Variants in PWWP3B observed in about 807,000 individuals in gnomAD.
The protein encoded by PWWP3B is PWWP domain-containing DNA repair factor 3B.
PWWP3B carries 5 observed loss-of-function variants against 15.7 expected under a neutral mutation model. The ratio of observed to expected loss-of-function variants is 0.32; its 90% CI spans 0.17 to 0.67. The LOEUF (loss-of-function observed/expected upper bound fraction) is 0.67. PWWP3B is among the 30% of genes least tolerant of loss of function. The pLI, the probability that PWWP3B is intolerant of heterozygous loss-of-function variation, is 0.74. For missense variants in PWWP3B, 519 were observed against 493.1 expected, an observed-to-expected ratio of 1.05 and a Z score of -0.50; for synonymous variants, 203 against 179.8, an observed-to-expected ratio of 1.13 and a Z score of -1.03.
intron 2 of PWWP3B, among the ~76,000 whole-genome samples, chrX:106,177,966 A>G (rs1415518476): frequency 9.0e-6 from 1 of 111,634 alleles, no homozygotes; most frequent in Non-Finnish European, 1.9e-5. Flanking sequence ...AATTGTTTCT[A>G]TTTGTGCTTG....
intron 2 of PWWP3B, among the ~76,000 whole-genome samples, chrX:106,191,747 T>A (rs1474218789): frequency 9.0e-6 from 1 of 111,524 alleles, no homozygotes; most frequent in African/African-American, 3.3e-5. Context: ...GTTTTTAGCA[T>A]GAAGGGTTGT....
At chrX:106,181,061 G>C (rs1046602431) in intron 2 of PWWP3B, among the ~76,000 whole-genome samples, 4 of 111,887 alleles carry the variant, frequency 3.6e-5, no homozygotes, top group African/African-American at 1.3e-4. Context: ...CCTTACTAAA[G>C]AACTGATAAG....
At chrX:106,190,318 G>C (rs1444857774) in intron 2 of PWWP3B, among the ~76,000 whole-genome samples, 1 of 112,261 alleles carries the variant, frequency 8.9e-6, no homozygotes, top group East Asian at 2.8e-4. Flanking sequence ...TTTTTCATGT[G>C]TTTTTTGGCT....
chrX:106,181,357 T>C, intron 2 of PWWP3B, among the ~76,000 whole-genome samples: 1 of 111,838 alleles, frequency 8.9e-6, no homozygotes, highest in South Asian at 3.8e-4. Context: ...TGGTCCATTT[T>C]ACACAGCGCT....
chrX:106,182,530 G>A (rs1296337485), intron 2 of PWWP3B, among the ~76,000 whole-genome samples: 1 of 111,779 alleles, frequency 8.9e-6, no homozygotes, highest in Non-Finnish European at 1.9e-5. Flanking sequence ...AAAAAGGTGT[G>A]TGAGTCTGTT....
intron 2 of PWWP3B, among the ~76,000 whole-genome samples, chrX:106,198,670 T>G (rs1348710108): frequency 8.9e-6 from 1 of 111,886 alleles, no homozygotes. Context: ...GTTATCCTTT[T>G]TGTCCACCTC....
rs773037885 is a variant in PWWP3B, at chrX:106,206,782, G to A, written c.1350G>A (p.Glu450=). 7 of 1,211,391 alleles carry A rather than the reference G, an allele frequency of 5.8e-6. No homozygotes were observed. In the South Asian group the frequency reaches 1.2e-4, roughly 21 times the overall value. ...FRRLKKFDCK[E]KQMLVDKARE... ...GATTAAAGAAATTTGATTGTAAAGAGAAACAAATGCTAGTGGACAAAGCCA... is the reference window on the plus strand; with the variant it reads ...GATTAAAGAAATTTGATTGTAAAGAAAAACAAATGCTAGTGGACAAAGCCA... Residue 450 remains glutamate (E), a synonymous_variant, in exon 4 of 4, where the codon GAG becomes GAA. Transcript: ENST00000357175.
At chrX:106,185,504 G>GA (rs1922458042) in intron 2 of PWWP3B, among the ~76,000 whole-genome samples, 1 of 111,369 alleles carries the variant, frequency 9.0e-6, no homozygotes, top group Admixed American at 9.5e-5. Context: ...TGCAGCAGCA[G>GA]AAATACTAGT....
chrX:106,174,056 CTG>C (rs370649712), intron 2 of PWWP3B, among the ~76,000 whole-genome samples: 3 of 112,281 alleles, frequency 2.7e-5, no homozygotes, highest in African/African-American at 9.7e-5. Flanking sequence ...CCAAAGAACT[CTG>C]TGTCATTTTA....
intron 2 of PWWP3B, among the ~76,000 whole-genome samples, chrX:106,173,110 G>A (rs1291713817): frequency 9.0e-6 from 1 of 111,655 alleles, no homozygotes; most frequent in Non-Finnish European, 1.9e-5. Context: ...GCCTCATAAC[G>A]TTGTGCTGTC....
chrX:106,175,191 C>A (rs751382383), intron 2 of PWWP3B, among the ~76,000 whole-genome samples: 1 of 108,826 alleles, frequency 9.2e-6, no homozygotes, highest in South Asian at 4.0e-4. Flanking sequence ...AATATGTTCA[C>A]CATCAGAGAC....
intron 2 of PWWP3B, among the ~76,000 whole-genome samples, chrX:106,175,453 G>A (rs1483036736): frequency 9.2e-6 from 1 of 109,216 alleles, no homozygotes; most frequent in Non-Finnish European, 1.9e-5. Flanking sequence ...TGTTAGCCAG[G>A]ATGGTCTCGA....
chrX:106,205,069 C>T (rs1054386696), intron 3 of PWWP3B, 150 bp from the exon 4 acceptor site: 9 of 140,879 alleles, frequency 6.4e-5, no homozygotes, highest in South Asian at 3.5e-4. Flanking sequence ...CCCTCCCCCC[C>T]GCAATCTTAT....
At chrX:106,183,911 G>A (rs1922356286) in intron 2 of PWWP3B, among the ~76,000 whole-genome samples, 1 of 112,429 alleles carries the variant, frequency 8.9e-6, no homozygotes, top group Non-Finnish European at 1.9e-5. Context: ...CTTTGGGGCA[G>A]TGTGCCTTCC....
chrX:106,186,539 G>A (rs1349280849), intron 2 of PWWP3B, among the ~76,000 whole-genome samples: 1 of 111,431 alleles, frequency 9.0e-6, no homozygotes, highest in Non-Finnish European at 1.9e-5. Context: ...CTTAGTGATA[G>A]GTGATAGTCC....
chrX:106,205,932 A>G lies in PWWP3B; in HGVS notation c.500A>G (p.Asp167Gly), dbSNP rs748595380. 2 of 1,211,177 alleles carry G rather than the reference A, an allele frequency of 1.7e-6. No individual in the cohort carries two copies. The highest frequency in any genetic ancestry group is 5.9e-5 in the East Asian group (2 of 33,844). ...GAGAGTGATGATTCCCTGTATGATG[A>G]TAAATCACAAGCACCCACAATGGTC... ...SSESDDSLYD[D>G]KSQAPTMVDT... Residue 167 changes from aspartate (D) to glycine (G), a missense_variant, in exon 4 of 4, where the codon GAT becomes GGT. Physicochemically the swap from Asp to Gly is moderately conservative, Grantham distance 94. Transcript: ENST00000357175.
Position 106,206,937 on chromosome X carries a change from G to C in PWWP3B, c.1505G>C (p.Arg502Thr). ...YYAADISYPV[R>T]KETKQDTFRN... ...GCTGCTGATATTAGTTACCCAGTTAGGAAAGAAACAAAACAGGATACTTTC... is the reference window on the plus strand; with the variant it reads ...GCTGCTGATATTAGTTACCCAGTTACGAAAGAAACAAAACAGGATACTTTC... The change falls in exon 4 of 4, where the codon AGG becomes ACG. Residue 502 changes from arginine to threonine, a missense_variant. Physicochemically the swap from Arg to Thr is moderately conservative, Grantham distance 71. Coordinates refer to ENST00000357175, the MANE Select transcript of PWWP3B (RefSeq NM_001171020.2). 1 of 1,211,117 alleles carries C rather than the reference G, an allele frequency of 8.3e-7. No individual in the cohort carries two copies. Among genetic ancestry groups the C allele is most frequent in the Non-Finnish European group, 1.1e-6 (1 of 895,302 alleles).
At chrX:106,174,815 A>T (rs1228529200) in intron 2 of PWWP3B, among the ~76,000 whole-genome samples, 1 of 111,389 alleles carries the variant, frequency 9.0e-6, no homozygotes, top group African/African-American at 3.3e-5. Flanking sequence ...TGGGAGGCCG[A>T]GGCAGGCAGA....
At chrX:106,173,785 G>T (rs1921747805) in intron 2 of PWWP3B, among the ~76,000 whole-genome samples, 2 of 110,949 alleles carry the variant, frequency 1.8e-5, no homozygotes, top group African/African-American at 6.6e-5. Flanking sequence ...TTAATATTTG[G>T]ACAATCTAGG....
Sources: allele counts gnomAD v4.1 joint callset (sites outside exome capture counted in the v4.1 genomes callset), GRCh38; gene constraint gnomAD v4.1.1; transcripts MANE v1.5; gene names NCBI Gene and HGNC (gene_info 2026-07-23, HGNC 2026-07-21).